The following DHRS7B variants were observed in gnomAD, a reference collection of about 807,000 sequenced individuals.
DHRS7B encodes the protein peroxisomal reductase activating PPAR-gamma.
Under a neutral mutation model 26.4 loss-of-function variants are expected in DHRS7B, and 24 were observed. The observed-to-expected ratio is 0.91, with a 90% confidence interval of 0.66 to 1.28. The LOEUF (loss-of-function observed/expected upper bound fraction) is 1.28, where lower values mean the gene tolerates loss of function less well. DHRS7B is among the 50% of genes most tolerant of loss of function. The probability of loss-of-function intolerance (pLI) is 0.00; values close to 1 mark genes in which losing one functional copy is unlikely to be tolerated. For synonymous variants in DHRS7B, 142 were observed against 166.4 expected (o/e 0.85, Z 1.13); for missense variants, 368 against 419.4 (o/e 0.88, Z 1.07).
At position 21,183,777 on chromosome 17, in the gene DHRS7B, A is replaced by T; in HGVS notation, c.493A>T (p.Thr165Ser). 1 of 1,614,240 alleles carries T rather than the reference A, an allele frequency of 6.2e-7. No homozygotes were observed. The part of the protein sequence containing the change: ...TVDVDKRVME[T>S]NYFGPVALTK... The stretch of plus-strand genomic sequence containing the variant: ...GGATGTGGACAAGAGGGTCATGGAG[A>T]CAAACTACTTTGGCCCAGTTGCTCT... The change falls in exon 4 of 7, where the codon ACA becomes TCA. Residue 165 changes from threonine to serine, a missense_variant. By Grantham distance (58) the Thr-to-Ser change is moderately conservative. Transcript: ENST00000395511.
At chr17:21,165,615 C>T (rs145686916) in intron 1 of DHRS7B, among the ~76,000 whole-genome samples, 6 of 152,190 alleles carry the variant, frequency 3.9e-5, no homozygotes, top group Middle Eastern at 3.4e-3. Flanking sequence ...GAGTCAACTG[C>T]GCCTGATCTA....
At chr17:21,141,491 C>T (rs115924661) in intron 1 of DHRS7B, among the ~76,000 whole-genome samples, 2,128 of 151,996 alleles carry the variant, frequency 0.014, 25 homozygotes, top group Middle Eastern at 0.02. Flanking sequence ...TCACTGAGCG[C>T]TCCAATGGTA....
chr17:21,131,082 A>G (rs574513619), intron 1 of DHRS7B, among the ~76,000 whole-genome samples: 3 of 152,332 alleles, frequency 2.0e-5, no homozygotes, highest in Non-Finnish European at 4.4e-5. Context: ...TGAATTTGCT[A>G]CTGGAGAAGA....
At chr17:21,143,168 C>T (rs1348087873) in intron 1 of DHRS7B, among the ~76,000 whole-genome samples, 1 of 152,162 alleles carries the variant, frequency 6.6e-6, no homozygotes, top group Non-Finnish European at 1.5e-5. Context: ...CTCAGGTGAT[C>T]CGCCCACCTC....
In DHRS7B at chr17:21,179,144, G is replaced by A. The variant is rs532527584; in HGVS notation, c.309+802G>A. Among the ~76,000 whole-genome samples the A allele has an allele frequency of 3.3e-5, 5 of 152,016 alleles. No homozygotes were observed. In the South Asian group the frequency reaches 1.0e-3, roughly 32 times the overall value. On this transcript the variant is annotated intron_variant, in intron 3 of 6. Transcript: ENST00000395511. ...TTTTTCTACTTTTATGTAGAGACACGGTCTCACTATGTTGCCCAGATTGGT... is the reference window on the plus strand; with the variant it reads ...TTTTTCTACTTTTATGTAGAGACACAGTCTCACTATGTTGCCCAGATTGGT...
intron 1 of DHRS7B, chr17:21,127,291 G>C (rs1330617652): frequency 2.4e-6 from 1 of 412,602 alleles, no homozygotes; most frequent in Non-Finnish European, 4.3e-6. Flanking sequence ...TGTGTGAAAG[G>C]CCTCGCGCCC....
intron 2 of DHRS7B, among the ~76,000 whole-genome samples, chr17:21,175,659 C>T (rs2144154196): frequency 6.6e-6 from 1 of 152,284 alleles, no homozygotes; most frequent in South Asian, 2.1e-4. Context: ...AGCATGTGGC[C>T]AGGTGCAGTG....
At chr17:21,166,635 C>G (rs1340305316) in intron 1 of DHRS7B, among the ~76,000 whole-genome samples, 1 of 151,936 alleles carries the variant, frequency 6.6e-6, no homozygotes, top group Non-Finnish European at 1.5e-5. Context: ...AAGCATGACC[C>G]ATAGTTTATG....
At chr17:21,137,992 A>G (rs1010481416) in intron 1 of DHRS7B, among the ~76,000 whole-genome samples, 8 of 149,090 alleles carry the variant, frequency 5.4e-5, no homozygotes. Context: ...TCAGCCTCCC[A>G]TAGTTCTGGG....
chr17:21,187,025 C>T (rs553187796), intron 5 of DHRS7B, among the ~76,000 whole-genome samples: 1 of 151,504 alleles, frequency 6.6e-6, no homozygotes, highest in East Asian at 1.9e-4. Context: ...GCTGTCCAAC[C>T]TGCCACCAGG....
Position 21,141,640 on chromosome 17 carries a change from A to AAAAAAAAAAAAAAAAAAAAAAAAAG in DHRS7B, c.20+14649_20+14650insAAAAAAAAAAAAAAAAAAAAAAAAG. Reference sequence around the variant, plus strand: ...AAAGCAAAAAAAAAAAAAAAAAAAAACAACCTCATCTCAAACTCCACAAAG... The same window carrying AAAAAAAAAAAAAAAAAAAAAAAAAG: ...AAAGCAAAAAAAAAAAAAAAAAAAAAAAAAAAAAAAAAAAAAAAAAAAAAGCAACCTCATCTCAAACTCCACAAAG... On this transcript the variant is annotated intron_variant, in intron 1 of 6. Transcript: ENST00000395511. Among the ~76,000 whole-genome samples, 2 of 90,078 alleles carry AAAAAAAAAAAAAAAAAAAAAAAAAG rather than the reference A, an allele frequency of 2.2e-5. 1 individual carries two copies. The highest frequency in any genetic ancestry group is 4.1e-5 in the Non-Finnish European group (2 of 48,492). 59.1% of individuals were successfully genotyped at this position (90,078 alleles called of 152,430 possible).
chr17:21,140,716 CTG>C (rs1414144196), intron 1 of DHRS7B, among the ~76,000 whole-genome samples: 9 of 152,184 alleles, frequency 5.9e-5, no homozygotes, highest in African/African-American at 2.2e-4. Flanking sequence ...CTTAGGAACT[CTG>C]TAGTTTGCAG....
chr17:21,172,368 C>A, intron 2 of DHRS7B, 172 bp downstream of exon 2: 1 of 791,924 alleles, frequency 1.3e-6, no homozygotes, highest in Non-Finnish European at 2.0e-6. Flanking sequence ...AAAGCAGGAG[C>A]CAAGGCACAG....
intron 1 of DHRS7B, among the ~76,000 whole-genome samples, chr17:21,163,474 T>C (rs962172847): frequency 6.6e-6 from 1 of 152,188 alleles, no homozygotes; most frequent in Non-Finnish European, 1.5e-5. Flanking sequence ...AGTGAAGTGT[T>C]AGTAATGAGG....
At chr17:21,181,514 G>A (rs180798493) in intron 3 of DHRS7B, among the ~76,000 whole-genome samples, 2 of 152,188 alleles carry the variant, frequency 1.3e-5, no homozygotes, top group African/African-American at 4.8e-5. Flanking sequence ...TTAACATGTA[G>A]GAAGGCATCA....
intron 1 of DHRS7B, among the ~76,000 whole-genome samples, chr17:21,151,512 CAAAAA>C (rs34419163): frequency 1.7e-5 from 2 of 117,322 alleles, no homozygotes; most frequent in African/African-American, 3.2e-5. Context: ...GACTCTGTCT[CAAAAA>C]AAAAAAAAAA....
chr17:21,158,390 A>G (rs1973925997), intron 1 of DHRS7B, among the ~76,000 whole-genome samples: 1 of 152,254 alleles, frequency 6.6e-6, no homozygotes, highest in African/African-American at 2.4e-5. Flanking sequence ...AAAAACTCTG[A>G]AAGAATAAGA....
intron 1 of DHRS7B, among the ~76,000 whole-genome samples, chr17:21,169,765 A>T (rs1300641242): frequency 6.6e-6 from 1 of 152,102 alleles, no homozygotes; most frequent in Non-Finnish European, 1.5e-5. Flanking sequence ...CCAGGGGCCC[A>T]CGGAGGAGTG....
intron 6 of DHRS7B, among the ~76,000 whole-genome samples, chr17:21,189,317 T>G (rs1284830497): frequency 2.0e-5 from 3 of 152,152 alleles, no homozygotes; most frequent in Non-Finnish European, 4.4e-5. Context: ...TGAGGCCGAG[T>G]GCAGCAGTCT....
Sources: allele counts gnomAD v4.1 joint callset (sites outside exome capture counted in the v4.1 genomes callset), GRCh38; gene constraint gnomAD v4.1.1; transcripts MANE v1.5; gene names NCBI Gene and HGNC (gene_info 2026-07-23, HGNC 2026-07-21).